USP12: variants seen among roughly 807,000 people sequenced by gnomAD.
The protein encoded by USP12 is ubiquitin carboxyl-terminal hydrolase 12.
USP12 carries 19 observed loss-of-function variants against 45.5 expected under a neutral mutation model. The observed-to-expected ratio is 0.42, with a 90% CI of 0.29 to 0.61. The LOEUF is 0.61. Ranked by LOEUF, USP12 falls within the 20% of genes least tolerant of loss-of-function variation. USP12 has a pLI of 0.22. For missense variants in USP12, 242 were observed against 447.7 expected (o/e 0.54, Z 4.15); for synonymous variants, 149 against 148.8 (o/e 1.00, Z -0.01).
At chr13:27,078,485 T>C (rs1935952292) in intron 6 of USP12, among the ~76,000 whole-genome samples, 1 of 152,090 alleles carries the variant, frequency 6.6e-6, no homozygotes, top group Non-Finnish European at 1.5e-5. Flanking sequence ...TGCATCCATG[T>C]TGTATTCTAA....
At chr13:27,076,626 T>A (rs1280965471) in intron 6 of USP12, among the ~76,000 whole-genome samples, 1 of 152,196 alleles carries the variant, frequency 6.6e-6, no homozygotes, top group Non-Finnish European at 1.5e-5. Flanking sequence ...TCTAGCAACA[T>A]GCCTGACATA....
chr13:27,117,282 T>C (rs1875788862), intron 1 of USP12, among the ~76,000 whole-genome samples: 1 of 151,758 alleles, frequency 6.6e-6, no homozygotes, highest in African/African-American at 2.4e-5. Context: ...CTAACAGGAG[T>C]GTAATCTGAT....
intron 1 of USP12, among the ~76,000 whole-genome samples, chr13:27,149,991 C>T (rs1020137322): frequency 6.6e-6 from 1 of 152,214 alleles, no homozygotes; most frequent in Non-Finnish European, 1.5e-5. Context: ...TCCTAACAGG[C>T]CACAGATCAG....
chr13:27,142,390 G>A (rs925423329), intron 1 of USP12, among the ~76,000 whole-genome samples: 4 of 152,160 alleles, frequency 2.6e-5, no homozygotes, highest in Admixed American at 6.5e-5. Context: ...GATCATCTTT[G>A]ATACTGGGCA....
intron 1 of USP12, among the ~76,000 whole-genome samples, chr13:27,160,923 C>A (rs1878078234): frequency 6.6e-6 from 1 of 152,064 alleles, no homozygotes; most frequent in African/African-American, 2.4e-5. Flanking sequence ...CATCCATCAG[C>A]TCTTCTTCCT....
chr13:27,093,815 A>G (rs760471173), intron 4 of USP12, among the ~76,000 whole-genome samples: 4 of 152,236 alleles, frequency 2.6e-5, no homozygotes, highest in African/African-American at 4.8e-5. Flanking sequence ...ACTGCAGCAC[A>G]TCCTTACAGT....
chr13:27,105,953 G>GAA lies in USP12; in HGVS notation c.130-11_130-10dup. The GAA allele has an allele frequency of 1.3e-6, 2 of 1,497,176 alleles. No homozygotes were observed. 92.7% of individuals were successfully genotyped at this position (1,497,176 alleles called of 1,614,324 possible). A position where few individuals can be genotyped will look rare whatever the true frequency, so the allele number is the denominator to read the frequency against. On this transcript the variant is annotated splice_polypyrimidine_tract_variant and intron_variant, in intron 2 of 8. Transcript: ENST00000282344. ...TAGCAGGTATTCCCAAACTGCAACA[G>GAA]AAAAAAAAAAGTTTTGTTAAATTTA...
intron 1 of USP12, among the ~76,000 whole-genome samples, chr13:27,141,999 G>A (rs1363101436): frequency 3.5e-5 from 5 of 143,184 alleles, no homozygotes; most frequent in East Asian, 3.9e-4. Flanking sequence ...GCGTGTGCCT[G>A]CAGTCCCAGC....
chr13:27,149,009 C>T (rs1323655112), intron 1 of USP12, among the ~76,000 whole-genome samples: 1 of 151,992 alleles, frequency 6.6e-6, no homozygotes, highest in East Asian at 1.9e-4. Flanking sequence ...ATGGTGAGAA[C>T]CCATCTCCAC....
intron 1 of USP12, among the ~76,000 whole-genome samples, chr13:27,143,219 A>G (rs1291479474): frequency 1.3e-5 from 2 of 152,222 alleles, no homozygotes; most frequent in Non-Finnish European, 2.9e-5. Flanking sequence ...ATTATTATCA[A>G]ACAACTAAAC....
intron 6 of USP12, among the ~76,000 whole-genome samples, chr13:27,087,239 T>G (rs1374779565): frequency 1.7e-5 from 2 of 119,586 alleles, no homozygotes; most frequent in African/African-American, 3.4e-5. Context: ...TAAGTAAATA[T>G]AGTGGGGAGG....
At chr13:27,092,331 T>C (rs1874355933) in intron 4 of USP12, among the ~76,000 whole-genome samples, 1 of 152,156 alleles carries the variant, frequency 6.6e-6, no homozygotes, top group Non-Finnish European at 1.5e-5. Flanking sequence ...CTTATCAAAA[T>C]CCCAGCAAGT....
intron 6 of USP12, among the ~76,000 whole-genome samples, chr13:27,087,518 A>C (rs1874115926): frequency 6.6e-6 from 1 of 152,226 alleles, no homozygotes; most frequent in Non-Finnish European, 1.5e-5. Flanking sequence ...AAATAAATGC[A>C]GATGTGAAAA....
At chr13:27,103,936 T>C (rs78805222) in intron 3 of USP12, among the ~76,000 whole-genome samples, 3,470 of 152,240 alleles carry the variant, frequency 0.023, 50 homozygotes, top group Non-Finnish European at 0.034. Flanking sequence ...GATAACATCA[T>C]TGTATAAAGA....
intron 2 of USP12, among the ~76,000 whole-genome samples, chr13:27,107,774 A>T (rs1284128403): frequency 2.0e-5 from 3 of 152,334 alleles, no homozygotes; most frequent in Non-Finnish European, 4.4e-5. Context: ...CAAAAGACAC[A>T]TGAAAAAATG....
rs1555233200 is a variant in USP12 at position 27,086,183 on chromosome 13, A to ATAT, written c.734+3699_734+3700insATA. Among the ~76,000 whole-genome samples the ATAT allele has an allele frequency of 5.4e-3, 211 of 39,248 alleles. 1 individual carries two copies. Among genetic ancestry groups the ATAT allele is most frequent in the Non-Finnish European group, 8.3e-3 (159 of 19,140 alleles). 25.7% of individuals were successfully genotyped at this position (39,248 alleles called of 152,430 possible). A position where few individuals can be genotyped will look rare whatever the true frequency, so the allele number is the denominator to read the frequency against. Reference sequence around the variant, plus strand: ...AGATCTTTTGTCTCTTTAAAAAAAAAAAAAAAAAAAAAAAATATATATATA... The same window carrying ATAT: ...AGATCTTTTGTCTCTTTAAAAAAAAATATAAAAAAAAAAAAAAATATATATATA... On this transcript the variant is annotated intron_variant, in intron 6 of 8. Transcript: ENST00000282344.
chr13:27,167,919 A>C (rs1001359132), intron 1 of USP12, among the ~76,000 whole-genome samples: 1 of 152,162 alleles, frequency 6.6e-6, no homozygotes. Flanking sequence ...ACTGAGCAGT[A>C]AGAAAAGGCA....
chr13:27,087,695 T>C (rs56210732), intron 6 of USP12, among the ~76,000 whole-genome samples: 7,680 of 151,952 alleles, frequency 0.051, 252 homozygotes, highest in Non-Finnish European at 0.059. Context: ...TGTTCCAGAG[T>C]AGGGGCAAAG....
At chr13:27,102,797 G>C (rs779332956) in intron 3 of USP12, among the ~76,000 whole-genome samples, 27 of 152,034 alleles carry the variant, frequency 1.8e-4, no homozygotes, top group Non-Finnish European at 3.5e-4. Context: ...CCACGAGGGT[G>C]TCAGGTACCT....
Sources: allele counts gnomAD v4.1 joint callset (sites outside exome capture counted in the v4.1 genomes callset), GRCh38; gene constraint gnomAD v4.1.1; transcripts MANE v1.5; gene names NCBI Gene and HGNC (gene_info 2026-07-23, HGNC 2026-07-21).